The following MALRD1 variants were observed in gnomAD, a reference collection of about 807,000 sequenced individuals.
The protein encoded by MALRD1 is MAM and LDL receptor class A domain containing 1.
Under a neutral mutation model 242.1 loss-of-function variants are expected in MALRD1, and 247 were observed. The observed-to-expected ratio is 1.02, with a 90% CI of 0.92 to 1.13. MALRD1 has a LOEUF of 1.13. Ranked by LOEUF, MALRD1 falls within the 50% of genes most tolerant of loss-of-function variation. The pLI is 0.00. For synonymous variants in MALRD1, 995 were observed against 866.6 expected (o/e 1.15, Z -2.60); for missense variants, 2,989 against 2,533.1 (o/e 1.18, Z -3.86).
At chr10:19,220,031 T>C (rs1183700939) in intron 18 of MALRD1, among the ~76,000 whole-genome samples, 6 of 152,324 alleles carry the variant, frequency 3.9e-5, no homozygotes, top group African/African-American at 1.4e-4. Context: ...TACTTTTTCT[T>C]CTTGGATAAT....
At chr10:19,697,814 T>C (rs890235881) in intron 38 of MALRD1, among the ~76,000 whole-genome samples, 4 of 152,148 alleles carry the variant, frequency 2.6e-5, no homozygotes, top group African/African-American at 9.7e-5. Flanking sequence ...CAGGCTCTAC[T>C]CCTATTTACC....
At chr10:19,604,034 C>G (rs564231395) in intron 34 of MALRD1, among the ~76,000 whole-genome samples, 2 of 152,192 alleles carry the variant, frequency 1.3e-5, no homozygotes, top group African/African-American at 4.8e-5. Context: ...GGAGGAAATG[C>G]AGATCTCTGA....
chr10:19,596,820 G>A (rs955682565), intron 34 of MALRD1, among the ~76,000 whole-genome samples: 9 of 151,062 alleles, frequency 6.0e-5, no homozygotes, highest in African/African-American at 2.2e-4. Flanking sequence ...AGGAGGAAAG[G>A]AGGAAAGGAG....
intron 29 of MALRD1, chr10:19,491,259 T>C (rs1589151327): frequency 1.4e-6 from 1 of 690,822 alleles, no homozygotes; most frequent in East Asian, 5.3e-5. Flanking sequence ...GAGTGTCTCA[T>C]CCATGAGAAT....
intron 2 of MALRD1, among the ~76,000 whole-genome samples, chr10:19,082,443 T>G (rs1411045858): frequency 6.6e-6 from 1 of 151,876 alleles, no homozygotes; most frequent in Non-Finnish European, 1.5e-5. Flanking sequence ...TCTACCTGTT[T>G]ATTGATGTCC....
At chr10:19,071,779 C>T (rs1412438842) in intron 2 of MALRD1, among the ~76,000 whole-genome samples, 1 of 152,112 alleles carries the variant, frequency 6.6e-6, no homozygotes, top group African/African-American at 2.4e-5. Flanking sequence ...AAAGACCAAA[C>T]ATGGAGACAA....
intron 39 of MALRD1, among the ~76,000 whole-genome samples, chr10:19,731,861 G>C (rs760927583): frequency 2.0e-5 from 3 of 152,098 alleles, no homozygotes; most frequent in Non-Finnish European, 4.4e-5. Flanking sequence ...ATGAAAATAG[G>C]TCACAGTTTT....
chr10:19,249,007 A>G (rs535930264), intron 18 of MALRD1, among the ~76,000 whole-genome samples: 24 of 146,926 alleles, frequency 1.6e-4, no homozygotes, highest in Non-Finnish European at 2.7e-4. Flanking sequence ...TATTAAATAT[A>G]TTTATATGAT....
In MALRD1 at chr10:19,205,034, C is replaced by T. The variant is rs529898951; in HGVS notation, c.2347C>T (p.Arg783Cys). The T allele has an allele frequency of 1.5e-5, 24 of 1,550,718 alleles. No homozygotes were observed. Among genetic ancestry groups the T allele is most frequent in the East Asian group, 7.3e-5 (3 of 40,904 alleles). Residue 783 changes from arginine (R) to cysteine (C), a missense_variant, in exon 17 of 40, where the codon CGC (arginine) becomes TGC (cysteine). Coordinates refer to ENST00000454679, the MANE Select transcript of MALRD1 (RefSeq NM_001142308.3). ...GTTGGAGGCAACCATTCAGCTAGGG[C>T]GCCTTTCGCAGCCCTTCCATTTGTC... is the stretch of plus-strand genomic sequence containing the variant. ...QWLEATIQLG[R>C]LSQPFHLSLD... is the part of the protein sequence containing the mutation.
chr10:19,495,427 G>A (rs1279984371), intron 30 of MALRD1, among the ~76,000 whole-genome samples: 4 of 151,296 alleles, frequency 2.6e-5, no homozygotes, highest in East Asian at 1.9e-4. Context: ...AGAAAAATTG[G>A]GGGCCTATAT....
At chr10:19,299,720 CT>C (rs1841862813) in intron 21 of MALRD1, among the ~76,000 whole-genome samples, 1 of 151,758 alleles carries the variant, frequency 6.6e-6, no homozygotes, top group Admixed American at 6.6e-5. Context: ...AGGAACATAC[CT>C]CAAAATAACA....
intron 38 of MALRD1, among the ~76,000 whole-genome samples, chr10:19,696,333 A>G (rs1243125301): frequency 6.6e-6 from 1 of 152,206 alleles, no homozygotes. Flanking sequence ...TAAAAGATTT[A>G]ATAACATTTT....
At chr10:19,456,759 A>ATTTAT (rs2131074638) in intron 29 of MALRD1, among the ~76,000 whole-genome samples, 1 of 136,436 alleles carries the variant, frequency 7.3e-6, no homozygotes, top group African/African-American at 3.4e-5. Flanking sequence ...ACATTTATTT[A>ATTTAT]TTTATTTATT....
chr10:19,182,869 C>T (rs916556033), intron 14 of MALRD1, among the ~76,000 whole-genome samples: 12 of 152,020 alleles, frequency 7.9e-5, no homozygotes, highest in South Asian at 4.2e-4. Context: ...GAGTGAATGT[C>T]TTTAAAAAAT....
intron 21 of MALRD1, among the ~76,000 whole-genome samples, chr10:19,296,578 A>G (rs375532683): frequency 1.3e-5 from 2 of 152,128 alleles, no homozygotes; most frequent in African/African-American, 4.8e-5. Context: ...TAAGTGTTAA[A>G]AGGAAATGGA....
intron 13 of MALRD1, among the ~76,000 whole-genome samples, chr10:19,171,873 C>T (rs1391335916): frequency 1.8e-4 from 25 of 138,100 alleles, no homozygotes; most frequent in African/African-American, 5.6e-4. Context: ...CATATATACA[C>T]GTATATACGT....
At chr10:19,116,878 C>G (rs540602449) in intron 5 of MALRD1, among the ~76,000 whole-genome samples, 4 of 152,172 alleles carry the variant, frequency 2.6e-5, no homozygotes, top group African/African-American at 9.6e-5. Context: ...CACCTGAGGT[C>G]AGGAGTTCGA....
At chr10:19,349,488 A>G (rs1350495910) in intron 25 of MALRD1, among the ~76,000 whole-genome samples, 2 of 152,254 alleles carry the variant, frequency 1.3e-5, no homozygotes, top group Non-Finnish European at 1.5e-5. Flanking sequence ...TTCTGTAAGG[A>G]AAGTGACATG....
intron 12 of MALRD1, among the ~76,000 whole-genome samples, chr10:19,159,742 G>A (rs1279990115): frequency 6.6e-6 from 1 of 152,062 alleles, no homozygotes; most frequent in Non-Finnish European, 1.5e-5. Context: ...AGAGCCCAAG[G>A]TCCCAGAGGC....
Sources: gnomAD v4.1 joint callset for allele counts (sites outside exome capture counted in the v4.1 genomes callset) on GRCh38, gnomAD v4.1.1 for gene constraint, MANE v1.5 for transcripts, NCBI Gene and HGNC (gene_info 2026-07-23, HGNC 2026-07-21) for gene names.